The following ADARB2 variants were observed in gnomAD, a reference collection of about 807,000 sequenced individuals.
The protein encoded by ADARB2 is inactive double-stranded RNA-specific editase B2.
In ADARB2, 25 loss-of-function variants were observed where a neutral mutation model predicts 62.2. That is an observed-to-expected ratio of 0.40 (90% CI 0.29 to 0.56). ADARB2 has a LOEUF of 0.56. Among genes scored for constraint, ADARB2 ranks in the 20% least tolerant of loss-of-function variants. The pLI, the probability that ADARB2 is intolerant of heterozygous loss-of-function variation, is 0.43. For missense variants in ADARB2, 1,071 were observed against 1,077.4 expected, an observed-to-expected ratio of 0.99 and a Z score of 0.08; for synonymous variants, 572 against 500.8, an observed-to-expected ratio of 1.14 and a Z score of -1.90.
intron 1 of ADARB2, among the ~76,000 whole-genome samples, chr10:1,707,122 T>C (rs1006935186): frequency 6.6e-6 from 1 of 152,174 alleles, no homozygotes; most frequent in African/African-American, 2.4e-5. Flanking sequence ...TTCCAGAAAA[T>C]ATGCCCTTTT....
chr10:1,264,433 T>C (rs1165218402), intron 4 of ADARB2, among the ~76,000 whole-genome samples: 1 of 152,224 alleles, frequency 6.6e-6, no homozygotes, highest in Non-Finnish European at 1.5e-5. Flanking sequence ...AGATGCTCTT[T>C]GTATGATGGA....
chr10:1,566,553 C>A (rs1366013155), intron 1 of ADARB2, among the ~76,000 whole-genome samples: 1 of 151,986 alleles, frequency 6.6e-6, no homozygotes, highest in African/African-American at 2.4e-5. Flanking sequence ...GAAGTGCCTT[C>A]ATTTTTCAGT....
intron 1 of ADARB2, among the ~76,000 whole-genome samples, chr10:1,392,185 T>A (rs1354516125): frequency 6.6e-6 from 1 of 152,152 alleles, no homozygotes; most frequent in Non-Finnish European, 1.5e-5. Context: ...GAAAGTGAGG[T>A]TTGCACTTCT....
chr10:1,554,031 G>T (rs867035641), intron 1 of ADARB2, among the ~76,000 whole-genome samples: 1 of 152,200 alleles, frequency 6.6e-6, no homozygotes, highest in African/African-American at 2.4e-5. Context: ...GCTCTGCTCC[G>T]TCCTCTCAGG....
chr10:1,711,376 A>T (rs1291588880), intron 1 of ADARB2, among the ~76,000 whole-genome samples: 1 of 152,180 alleles, frequency 6.6e-6, no homozygotes, highest in Non-Finnish European at 1.5e-5. Context: ...GCTCTGAAGG[A>T]CGCACCTGGG....
chr10:1,367,790 C>T (rs1271021020), intron 2 of ADARB2, among the ~76,000 whole-genome samples: 1 of 152,212 alleles, frequency 6.6e-6, no homozygotes, highest in Non-Finnish European at 1.5e-5. Flanking sequence ...TATTGCATGA[C>T]CTTTGCTGGA....
chr10:1,447,341 C>T (rs556832075), intron 1 of ADARB2, among the ~76,000 whole-genome samples: 2 of 152,308 alleles, frequency 1.3e-5, no homozygotes, highest in South Asian at 4.1e-4. Context: ...TTTTATATCT[C>T]TTTCCAAAAG....
rs938054332 is a variant in ADARB2 at position 1,590,733 on chromosome 10, G to A, written c.100+146318C>T. Reference sequence around the variant, plus strand: ...AGAAACAGAGAGCAGAAGGGTGGTTGCCAGAGCCGGAGAGTCGTGCAGGGG... The same window carrying A: ...AGAAACAGAGAGCAGAAGGGTGGTTACCAGAGCCGGAGAGTCGTGCAGGGG... On this transcript the variant is annotated intron_variant, in intron 1 of 9. Transcript: ENST00000381312. 2.0e-5 allele frequency among the ~76,000 whole-genome samples: 3 copies of A among 152,238 alleles called. No homozygotes were observed. In the East Asian group the frequency reaches 5.8e-4, roughly 29 times the overall value.
At chr10:1,383,839 G>A (rs1832504318) in intron 1 of ADARB2, among the ~76,000 whole-genome samples, 1 of 152,240 alleles carries the variant, frequency 6.6e-6, no homozygotes. Context: ...GGCTGCTTAA[G>A]GAGATCCTCA....
intron 1 of ADARB2, among the ~76,000 whole-genome samples, chr10:1,657,726 G>C (rs926072780): frequency 1.3e-5 from 2 of 152,344 alleles, no homozygotes; most frequent in East Asian, 3.9e-4. Context: ...CCGAGAGCCA[G>C]GGGCCATGGT....
At chr10:1,188,650 T>C (rs373698907) in intron 8 of ADARB2, among the ~76,000 whole-genome samples, 3 of 147,948 alleles carry the variant, frequency 2.0e-5, no homozygotes, top group Non-Finnish European at 4.4e-5. Context: ...CATAGAGAGA[T>C]AGTGTTGGGA....
At chr10:1,189,945 G>A (rs895383472) in intron 8 of ADARB2, among the ~76,000 whole-genome samples, 1 of 151,540 alleles carries the variant, frequency 6.6e-6, no homozygotes, top group African/African-American at 2.4e-5. Flanking sequence ...AACACGTGGC[G>A]CTACCTCCTT....
intron 1 of ADARB2, among the ~76,000 whole-genome samples, chr10:1,622,390 GA>G (rs1833714219): frequency 2.0e-5 from 3 of 152,016 alleles, no homozygotes; most frequent in Non-Finnish European, 2.9e-5. Context: ...CATCTTTAAT[GA>G]AAAAATAAAT....
intron 1 of ADARB2, among the ~76,000 whole-genome samples, chr10:1,499,857 CA>C (rs1196935537): frequency 2.6e-5 from 4 of 152,138 alleles, no homozygotes; most frequent in Non-Finnish European, 4.4e-5. Flanking sequence ...ATTGCTCACT[CA>C]TCATTCATCA....
chr10:1,468,353 C>A (rs1252881763), intron 1 of ADARB2, among the ~76,000 whole-genome samples: 2 of 152,144 alleles, frequency 1.3e-5, no homozygotes, highest in African/African-American at 4.8e-5. Flanking sequence ...TAGTCCGGGT[C>A]CCTGATGAGA....
chr10:1,206,805 CCTGA>C (rs1189990894), intron 7 of ADARB2, among the ~76,000 whole-genome samples: 3 of 152,310 alleles, frequency 2.0e-5, no homozygotes, highest in Non-Finnish European at 2.9e-5. Flanking sequence ...CTCTTGTCCT[CCTGA>C]CTGGAGTTCC....
intron 6 of ADARB2, among the ~76,000 whole-genome samples, chr10:1,228,883 A>G (rs942108650): frequency 1.3e-5 from 2 of 152,198 alleles, no homozygotes; most frequent in Non-Finnish European, 1.5e-5. Flanking sequence ...AAGGAAACAA[A>G]TGCCCAGTCT....
chr10:1,263,869 T>A (rs921467475), intron 4 of ADARB2, among the ~76,000 whole-genome samples: 4 of 152,214 alleles, frequency 2.6e-5, no homozygotes, highest in Non-Finnish European at 5.9e-5. Flanking sequence ...GTGGAACAAA[T>A]GTCCAGTCAT....
intron 1 of ADARB2, among the ~76,000 whole-genome samples, chr10:1,455,637 G>A (rs1046620640): frequency 2.6e-5 from 4 of 152,006 alleles, no homozygotes; most frequent in African/African-American, 9.7e-5. Context: ...ACTCTTTTTG[G>A]GATTGTTACT....
Sources: allele counts gnomAD v4.1 joint callset (sites outside exome capture counted in the v4.1 genomes callset), GRCh38; gene constraint gnomAD v4.1.1; transcripts MANE v1.5; gene names NCBI Gene and HGNC (gene_info 2026-07-23, HGNC 2026-07-21).